Variants in KCNAB1 observed in about 807,000 individuals in gnomAD.
KCNAB1 encodes voltage-gated potassium channel subunit beta-1.
Under a neutral mutation model 64.6 loss-of-function variants are expected in KCNAB1, and 35 were observed. The ratio of observed to expected loss-of-function variants is 0.54; its 90% CI spans 0.41 to 0.72. KCNAB1 has a LOEUF of 0.72. Among genes scored for constraint, KCNAB1 ranks in the 30% least tolerant of loss-of-function variants. The probability of loss-of-function intolerance (pLI) is 0.00; values close to 1 mark genes in which losing one functional copy is unlikely to be tolerated. For synonymous variants in KCNAB1, 177 were observed against 183.8 expected, an observed-to-expected ratio of 0.96 and a Z score of 0.30; for missense variants, 401 against 512.9, an observed-to-expected ratio of 0.78 and a Z score of 2.11.
At chr3:156,354,669 T>C (rs1362019859) in intron 1 of KCNAB1, among the ~76,000 whole-genome samples, 3 of 145,232 alleles carry the variant, frequency 2.1e-5, no homozygotes, top group Non-Finnish European at 3.0e-5. Flanking sequence ...CTGTCTCTAA[T>C]GGAGAATTGG....
chr3:156,332,819 T>C (rs1034694393), intron 1 of KCNAB1, among the ~76,000 whole-genome samples: 6 of 152,248 alleles, frequency 3.9e-5, no homozygotes, highest in Non-Finnish European at 8.8e-5. Flanking sequence ...CTTAGTGCTA[T>C]GTATGATCTG....
At chr3:156,219,924 G>A (rs1398616654) in intron 1 of KCNAB1, among the ~76,000 whole-genome samples, 2 of 151,092 alleles carry the variant, frequency 1.3e-5, no homozygotes, top group Non-Finnish European at 2.9e-5. Context: ...GTGTCCATGT[G>A]TTCTCATTGT....
chr3:156,390,296 G>A (rs112978288), intron 1 of KCNAB1, among the ~76,000 whole-genome samples: 1 of 152,100 alleles, frequency 6.6e-6, no homozygotes, highest in Non-Finnish European at 1.5e-5. Flanking sequence ...CCTGGGTGTC[G>A]GTTGTGTAGA....
chr3:156,509,488 C>T (rs1227916064), intron 8 of KCNAB1, among the ~76,000 whole-genome samples: 1 of 152,168 alleles, frequency 6.6e-6, no homozygotes, highest in Non-Finnish European at 1.5e-5. Context: ...GAATCATCAT[C>T]TGGGATGAGT....
At chr3:156,201,738 G>A (rs1714342957) in intron 1 of KCNAB1, among the ~76,000 whole-genome samples, 1 of 152,228 alleles carries the variant, frequency 6.6e-6, no homozygotes, top group African/African-American at 2.4e-5. Context: ...GAGAAGGGAA[G>A]GCAAGGATCC....
intron 1 of KCNAB1, among the ~76,000 whole-genome samples, chr3:156,283,486 G>C (rs1719879671): frequency 6.7e-6 from 1 of 149,026 alleles, no homozygotes; most frequent in Admixed American, 6.6e-5. Context: ...GGCGTTCTCT[G>C]TATTTCCTGA....
At position 156,203,955 on chromosome 3, in the gene KCNAB1, G is replaced by C. The variant is rs889124562; in HGVS notation, c.275+83069G>C. On this transcript the variant is annotated intron_variant, in intron 1 of 13. Transcript: ENST00000490337. ...TATTCAGTGATTGTTTTTCATTTGTGCATCAGGGGGAATCATCTTTTGCTC... is the reference window on the plus strand; with the variant it reads ...TATTCAGTGATTGTTTTTCATTTGTCCATCAGGGGGAATCATCTTTTGCTC... Among the ~76,000 whole-genome samples, 17 of 152,022 alleles carry C rather than the reference G, an allele frequency of 1.1e-4. 1 individual carries two copies. Among genetic ancestry groups the C allele is most frequent in the Non-Finnish European group, 1.3e-4 (9 of 68,002 alleles).
At chr3:156,425,816 G>A (rs942807506) in intron 2 of KCNAB1, among the ~76,000 whole-genome samples, 2 of 152,176 alleles carry the variant, frequency 1.3e-5, no homozygotes, top group African/African-American at 4.8e-5. Flanking sequence ...GTAATGGAGA[G>A]TACAGGGCAA....
intron 1 of KCNAB1, among the ~76,000 whole-genome samples, chr3:156,140,796 T>A (rs900545711): frequency 4.6e-5 from 7 of 152,068 alleles, no homozygotes; most frequent in Admixed American, 2.6e-4. Flanking sequence ...AGTGAGGGCT[T>A]TAGGTTTGAA....
At chr3:156,338,368 T>C (rs955477918) in intron 1 of KCNAB1, among the ~76,000 whole-genome samples, 2 of 133,464 alleles carry the variant, frequency 1.5e-5, no homozygotes, top group South Asian at 5.1e-4. Flanking sequence ...TGGAGTGCAA[T>C]GGCACAATCT....
chr3:156,389,538 T>G (rs1420329132), intron 1 of KCNAB1, among the ~76,000 whole-genome samples: 1 of 152,200 alleles, frequency 6.6e-6, no homozygotes, highest in African/African-American at 2.4e-5. Context: ...TCTCCAAGTG[T>G]GTCCTGGCTG....
chr3:156,239,754 T>G (rs1044696147), intron 1 of KCNAB1, among the ~76,000 whole-genome samples: 35 of 152,238 alleles, frequency 2.3e-4, no homozygotes, highest in African/African-American at 7.7e-4. Flanking sequence ...AATTTGTTCA[T>G]GTAATATCAG....
chr3:156,161,040 A>G (rs1716045413), intron 1 of KCNAB1, among the ~76,000 whole-genome samples: 1 of 152,194 alleles, frequency 6.6e-6, no homozygotes, highest in Non-Finnish European at 1.5e-5. Flanking sequence ...GAGCCCTTGA[A>G]CTAGAAAATC....
In KCNAB1 at chr3:156,174,345, A is replaced by AG. The variant is rs372101443; in HGVS notation, c.275+53462dup. Reference sequence around the variant, plus strand: ...ATTAGAAACATTATGTAGCTGACAGAGGGCTACATGCAGAGCTTATAAGGA... The same window carrying AG: ...ATTAGAAACATTATGTAGCTGACAGAGGGGCTACATGCAGAGCTTATAAGGA... On this transcript the variant is annotated intron_variant, in intron 1 of 13. Transcript: ENST00000490337. Among the ~76,000 whole-genome samples, 576 of 152,324 alleles carry AG rather than the reference A, an allele frequency of 3.8e-3. 3 individuals are homozygous for AG. Among genetic ancestry groups the AG allele is most frequent in the African/African-American group, 0.013 (545 of 41,582 alleles).
chr3:156,291,595 G>A, intron 1 of KCNAB1: 1 of 1,255,478 alleles, frequency 8.0e-7, no homozygotes, highest in Non-Finnish European at 1.0e-6. Context: ...CATGGATTTG[G>A]CTGTTTAATC....
At chr3:156,516,161 G>C in intron 10 of KCNAB1, 109 bp from the exon 11 acceptor site, 1 of 700,050 alleles carries the variant, frequency 1.4e-6, no homozygotes, top group Non-Finnish European at 2.6e-6. Context: ...TATCTGGCCA[G>C]CTTTTCCCTA....
At chr3:156,480,666 A>G (rs1434074223) in intron 8 of KCNAB1, among the ~76,000 whole-genome samples, 1 of 152,120 alleles carries the variant, frequency 6.6e-6, no homozygotes, top group Admixed American at 6.6e-5. Context: ...CATATATTAC[A>G]TTCTTTTTTT....
intron 1 of KCNAB1, among the ~76,000 whole-genome samples, chr3:156,402,592 G>A (rs1035413274): frequency 2.0e-5 from 3 of 152,152 alleles, no homozygotes; most frequent in African/African-American, 7.2e-5. Context: ...TATTCAAAAT[G>A]TGTTTTGTTT....
At chr3:156,277,866 A>G (rs540822676) in intron 1 of KCNAB1, among the ~76,000 whole-genome samples, 2 of 152,196 alleles carry the variant, frequency 1.3e-5, no homozygotes, top group Non-Finnish European at 2.9e-5. Flanking sequence ...TCCCACCAAC[A>G]GTGTACAAGA....
Sources: gnomAD v4.1 joint callset for allele counts (sites outside exome capture counted in the v4.1 genomes callset) on GRCh38, gnomAD v4.1.1 for gene constraint, MANE v1.5 for transcripts, NCBI Gene and HGNC (gene_info 2026-07-23, HGNC 2026-07-21) for gene names.